SYN3: variants seen among roughly 807,000 people sequenced by gnomAD.
The protein encoded by SYN3 is synapsin III.
Under a neutral mutation model 65.8 loss-of-function variants are expected in SYN3, and 35 were observed. The observed-to-expected ratio is 0.53, with a 90% CI of 0.41 to 0.70. The LOEUF is 0.70. Among genes scored for constraint, SYN3 ranks in the 30% least tolerant of loss-of-function variants. The pLI is 0.00. For missense variants in SYN3, 680 were observed against 749.0 expected (o/e 0.91, Z 1.08); for synonymous variants, 270 against 292.9 (o/e 0.92, Z 0.80).
chr22:32,599,772 G>A (rs1022034122), intron 6 of SYN3, among the ~76,000 whole-genome samples: 4 of 152,110 alleles, frequency 2.6e-5, no homozygotes, highest in African/African-American at 9.7e-5. Flanking sequence ...GCGTGGGCAC[G>A]ACTGAATGAG....
chr22:32,794,342 G>A (rs1206144111), intron 6 of SYN3, among the ~76,000 whole-genome samples: 1 of 152,160 alleles, frequency 6.6e-6, no homozygotes, highest in Non-Finnish European at 1.5e-5. Flanking sequence ...ATGTGACAAT[G>A]AAATACCTCA....
At chr22:32,533,465 C>G (rs1398855269) in intron 10 of SYN3, among the ~76,000 whole-genome samples, 9 of 152,166 alleles carry the variant, frequency 5.9e-5, no homozygotes, top group African/African-American at 2.2e-4. Context: ...TGCTTGGACA[C>G]TGGGGAAATG....
intron 4 of SYN3, among the ~76,000 whole-genome samples, chr22:32,884,551 T>C (rs746449186): frequency 2.6e-5 from 4 of 152,222 alleles, no homozygotes; most frequent in Non-Finnish European, 5.9e-5. Context: ...TGTATACTGT[T>C]CTAACTTGTT....
At chr22:32,935,148 T>C (rs577034639) in intron 3 of SYN3, among the ~76,000 whole-genome samples, 5 of 152,268 alleles carry the variant, frequency 3.3e-5, no homozygotes, top group African/African-American at 4.8e-5. Context: ...ACTTTGGGAA[T>C]TGAATGCAAT....
intron 3 of SYN3, among the ~76,000 whole-genome samples, chr22:32,940,659 C>G (rs2050910295): frequency 6.6e-6 from 1 of 152,190 alleles, no homozygotes; most frequent in Admixed American, 6.5e-5. Flanking sequence ...CCTTTGCCAA[C>G]CACCAAGTCA....
At chr22:32,695,967 A>T (rs2060731348) in intron 6 of SYN3, among the ~76,000 whole-genome samples, 1 of 152,192 alleles carries the variant, frequency 6.6e-6, no homozygotes, top group African/African-American at 2.4e-5. Context: ...ACTTCACTGA[A>T]TGTGGCAGAT....
chr22:32,785,829 C>T (rs560660637), intron 6 of SYN3, among the ~76,000 whole-genome samples: 5 of 152,290 alleles, frequency 3.3e-5, no homozygotes, highest in African/African-American at 1.2e-4. Context: ...CAGAACAGGA[C>T]TGTGTCTGTC....
chr22:32,736,877 C>A (rs1400433438), intron 6 of SYN3, among the ~76,000 whole-genome samples: 1 of 152,162 alleles, frequency 6.6e-6, no homozygotes, highest in African/African-American at 2.4e-5. Context: ...CCTTACTTGC[C>A]TGAAGCCTGT....
At chr22:32,674,436 G>T (rs2060413190) in intron 6 of SYN3, among the ~76,000 whole-genome samples, 1 of 152,172 alleles carries the variant, frequency 6.6e-6, no homozygotes, top group African/African-American at 2.4e-5. Flanking sequence ...TGCTTCTGTT[G>T]CTCTCTTTTG....
At chr22:32,832,179 T>A (rs2047592832) in intron 6 of SYN3, among the ~76,000 whole-genome samples, 1 of 152,222 alleles carries the variant, frequency 6.6e-6, no homozygotes, top group African/African-American at 2.4e-5. Flanking sequence ...AAGAGGCAGC[T>A]GAAGCATCCT....
At chr22:32,780,977 CCCTCCT>C (rs1260955273) in intron 6 of SYN3, among the ~76,000 whole-genome samples, 3,357 of 74,744 alleles carry the variant, frequency 0.045, 59 homozygotes, top group East Asian at 0.19. Context: ...TTCCTTCCTT[CCCTCCT>C]TCCTTCCTCT....
At chr22:32,869,784 G>T (rs1437587806) in intron 4 of SYN3, among the ~76,000 whole-genome samples, 1 of 150,440 alleles carries the variant, frequency 6.6e-6, no homozygotes, top group Non-Finnish European at 1.5e-5. Context: ...TATTTGCTAG[G>T]TCCCTCTAGA....
At chr22:32,772,183 G>A (rs574894128) in intron 6 of SYN3, among the ~76,000 whole-genome samples, 3 of 152,118 alleles carry the variant, frequency 2.0e-5, no homozygotes, top group Non-Finnish European at 4.4e-5. Context: ...GGGCCACAGG[G>A]GGGGAGAAAA....
chr22:32,553,850 T>TCCCAGAATGCAAATCCCAGAATTGCATCC (rs2058451596), intron 7 of SYN3, among the ~76,000 whole-genome samples: 1 of 152,154 alleles, frequency 6.6e-6, no homozygotes, highest in Non-Finnish European at 1.5e-5. Context: ...TTATCCAGGC[T>TCCCAGAATGCAAATCCCAGAATTGCATCC]CAGAATGCAA....
At chr22:32,724,843 G>A (rs1427212115) in intron 6 of SYN3, among the ~76,000 whole-genome samples, 2 of 152,176 alleles carry the variant, frequency 1.3e-5, no homozygotes, top group African/African-American at 2.4e-5. Flanking sequence ...CTTCTGGGCC[G>A]AGCGCGGTGG....
chr22:32,687,838 C>A (rs1297178375), intron 6 of SYN3, among the ~76,000 whole-genome samples: 1 of 152,206 alleles, frequency 6.6e-6, no homozygotes, highest in Non-Finnish European at 1.5e-5. Flanking sequence ...CTGAATAGTG[C>A]TGGCCCATCC....
chr22:32,895,338 C>T (rs2049561093), intron 4 of SYN3, among the ~76,000 whole-genome samples: 1 of 152,240 alleles, frequency 6.6e-6, no homozygotes, highest in Non-Finnish European at 1.5e-5. Context: ...CTGGAATTCT[C>T]AGATTCCATA....
rs745429521 is a variant in SYN3, at chr22:32,632,831, C to T, written c.712-36095G>A. The stretch of plus-strand genomic sequence containing the variant: ...TTTTCTTACTGTCATTTTCTATTAA[C>T]GTGACGCATACAGGGTTTGCAAGAC... On this transcript the variant is annotated intron_variant, in intron 6 of 13. Transcript: ENST00000358763. Among the ~76,000 whole-genome samples, 5 of 152,320 alleles carry T rather than the reference C, an allele frequency of 3.3e-5. No individual in the cohort carries two copies. The South Asian group carries it at 8.3e-4, about 25-fold the overall frequency.
chr22:32,686,863 G>A (rs1324729284), intron 6 of SYN3, among the ~76,000 whole-genome samples: 1 of 152,054 alleles, frequency 6.6e-6, no homozygotes, highest in Non-Finnish European at 1.5e-5. Flanking sequence ...CCAAAGTGCT[G>A]GGATTACAGG....
Sources: allele counts gnomAD v4.1 joint callset (sites outside exome capture counted in the v4.1 genomes callset), GRCh38; gene constraint gnomAD v4.1.1; transcripts MANE v1.5; gene names NCBI Gene and HGNC (gene_info 2026-07-23, HGNC 2026-07-21).